MORC4: variants seen among roughly 807,000 people sequenced by gnomAD.
MORC4 encodes the protein MORC family CW-type zinc finger protein 4.
MORC4 carries 22 observed loss-of-function variants against 65.5 expected under a neutral mutation model. The ratio of observed to expected loss-of-function variants is 0.34; its 90% CI spans 0.24 to 0.48. MORC4 has a LOEUF of 0.48. MORC4 is among the 20% of genes least tolerant of loss of function. MORC4 has a pLI of 0.99. For synonymous variants in MORC4, 267 were observed against 255.8 expected (o/e 1.04, Z -0.42); for missense variants, 624 against 703.0 (o/e 0.89, Z 1.27).
Position 106,985,996 on chromosome X carries a change from G to A in MORC4, c.513C>T (p.Phe171=). Residue 171 remains phenylalanine, a synonymous_variant, in exon 4 of 17, where the codon TTC becomes TTT. Transcript: ENST00000355610. The part of the protein sequence containing the change: ...AQAVIVPIVP[F]NQQNKKMIIT... Reference sequence around the variant, plus strand: ...CAGAAAGGATATTGTTTTGCTGGTTGAATGGAACAATTGGTACAATAACTG... The same window carrying A: ...CAGAAAGGATATTGTTTTGCTGGTTAAATGGAACAATTGGTACAATAACTG... 8.3e-7 allele frequency: 1 copy of A among 1,205,899 alleles called. No homozygotes were observed. Among genetic ancestry groups the A allele is most frequent in the Non-Finnish European group, 1.1e-6 (1 of 891,178 alleles).
chrX:106,942,929 C>T lies in MORC4; in HGVS notation c.1962G>A (p.Gln654=), dbSNP rs150263726. The change falls in exon 15 of 17, where the codon CAG becomes CAA. Residue 654 remains glutamine (Q), a synonymous_variant. Transcript: ENST00000355610. ...CTAATTCTTCAGGAAGCAGGGACCC[C>T]TGGCGTTGGTCTTTGGCCCCTGGAT... The part of the protein sequence containing the change: ...ILYPGAKDQR[Q]GSLLPEELED... The T allele has an allele frequency of 6.4e-3, 7,787 of 1,210,216 alleles. 40 individuals carry two copies. The highest frequency in any genetic ancestry group is 6.7e-3 in the Non-Finnish European group (6,041 of 895,237).
rs758864114 is a variant in MORC4 at position 106,941,352 on chromosome X, T to C, written c.*127A>G. 170 of 458,412 alleles carry C rather than the reference T, an allele frequency of 3.7e-4. No homozygotes were observed. The East Asian group carries it at 6.1e-3, about 16-fold the overall frequency. The allele number at this position is 458,412 out of a possible 1,213,427, so 37.8% of individuals were successfully genotyped here. A position where few individuals can be genotyped will look rare whatever the true frequency, so the allele number is the denominator to read the frequency against. Reference sequence around the variant, plus strand: ...AGGATTTACACAGAGATTCTCTATATAAGGCATAAAGGTGAGGGTGAGAGA... The same window carrying C: ...AGGATTTACACAGAGATTCTCTATACAAGGCATAAAGGTGAGGGTGAGAGA... On this transcript the variant is annotated 3_prime_UTR_variant, in exon 17 of 17. Transcript: ENST00000355610.
chrX:106,978,680 A>G (rs1934678697), intron 7 of MORC4, among the ~76,000 whole-genome samples: 1 of 111,034 alleles, frequency 9.0e-6, no homozygotes, highest in South Asian at 3.8e-4. Flanking sequence ...CCTAAATACC[A>G]TCAGTGATTT....
chrX:106,973,277 A>C (rs758575318), intron 9 of MORC4, among the ~76,000 whole-genome samples: 17 of 111,769 alleles, frequency 1.5e-4, no homozygotes, highest in Non-Finnish European at 1.3e-4. Flanking sequence ...TTGTCCCACC[A>C]CTGTACTTTA....
At chrX:106,951,474 G>A (rs750046166) in intron 14 of MORC4, among the ~76,000 whole-genome samples, 2 of 110,387 alleles carry the variant, frequency 1.8e-5, no homozygotes, top group East Asian at 5.7e-4. Context: ...ATGCTCAAGC[G>A]ATCCTCCCAC....
At position 106,981,495 on chromosome X, in the gene MORC4, G is replaced by C; in HGVS notation, c.675-18C>G. ...TTTTATTTCTGGGGAAAAGAGACAA[G>C]TACCAATCTAACAAAAACTGGCTCC... On this transcript the variant is annotated intron_variant, in intron 5 of 16. Coordinates refer to ENST00000355610, the MANE Select transcript of MORC4 (RefSeq NM_024657.5). 8.7e-7 allele frequency: 1 copy of C among 1,152,324 alleles called. No individual in the cohort carries two copies. Among genetic ancestry groups the C allele is most frequent in the Non-Finnish European group, 1.2e-6 (1 of 868,740 alleles). 95.0% of individuals were successfully genotyped at this position (1,152,324 alleles called of 1,213,427 possible).
In MORC4 at chrX:106,943,030, T is replaced by C; in HGVS notation, c.1861A>G (p.Thr621Ala). 1.7e-6 allele frequency: 2 copies of C among 1,211,600 alleles called. No individual in the cohort carries two copies. The highest frequency in any genetic ancestry group is 2.2e-6 in the Non-Finnish European group (2 of 895,410). ...SHDKSSSERS[T>A]PPYLFPEYPE... ...TATTCTGGGAAAAGGTATGGTGGTG[T>C]ACTTCTCTCAGAACTCGATTTATCA... Residue 621 changes from threonine to alanine, a missense_variant, in exon 15 of 17, where the codon ACA becomes GCA. Coordinates refer to ENST00000355610, the MANE Select transcript of MORC4 (RefSeq NM_024657.5).
At chrX:106,945,420 G>GTGTGTGTA (rs1933802920) in intron 14 of MORC4, among the ~76,000 whole-genome samples, 2 of 95,678 alleles carry the variant, frequency 2.1e-5, no homozygotes, top group Non-Finnish European at 2.0e-5. Flanking sequence ...TACTTTGTGT[G>GTGTGTGTA]TGTGTGTGTG....
At chrX:106,947,955 G>A (rs1177741984) in intron 14 of MORC4, among the ~76,000 whole-genome samples, 1 of 109,688 alleles carries the variant, frequency 9.1e-6, no homozygotes, top group Non-Finnish European at 1.9e-5. Context: ...TCTGTCTTTT[G>A]ATTGGATTGC....
intron 7 of MORC4, among the ~76,000 whole-genome samples, chrX:106,978,897 T>A (rs886950929): frequency 1.5e-4 from 17 of 111,508 alleles, no homozygotes; most frequent in African/African-American, 3.2e-4. Flanking sequence ...TGTAGTGATA[T>A]ATTTCATGGG....
intron 2 of MORC4, 27 bp downstream of exon 2, chrX:106,999,650 A>G: frequency 8.9e-6 from 10 of 1,117,734 alleles, no homozygotes; most frequent in Non-Finnish European, 1.2e-5. Context: ...TCGGGCGAAC[A>G]CGGCCGGGCC....
chrX:106,977,065 G>A (rs1934639963), intron 8 of MORC4, among the ~76,000 whole-genome samples: 1 of 111,581 alleles, frequency 9.0e-6, no homozygotes, highest in African/African-American at 3.2e-5. Context: ...ACTGTTCTAA[G>A]GAACTGAAAC....
chrX:106,993,764 G>C (rs1935025980), intron 2 of MORC4, among the ~76,000 whole-genome samples: 1 of 112,286 alleles, frequency 8.9e-6, no homozygotes, highest in African/African-American at 3.2e-5. Context: ...AAAGCTGAAG[G>C]AGCAACTTTG....
intron 9 of MORC4, among the ~76,000 whole-genome samples, chrX:106,965,324 G>A (rs954699466): frequency 1.8e-5 from 2 of 111,550 alleles, no homozygotes; most frequent in African/African-American, 6.5e-5. Flanking sequence ...AAACAAAATA[G>A]CTATAGAATA....
chrX:106,971,913 T>C (rs984717378), intron 9 of MORC4, among the ~76,000 whole-genome samples: 8 of 111,975 alleles, frequency 7.1e-5, no homozygotes, highest in Non-Finnish European at 1.5e-4. Flanking sequence ...AGTGTGGCGA[T>C]TCCTCAAGAA....
intron 2 of MORC4, among the ~76,000 whole-genome samples, 171 bp downstream of exon 2, chrX:106,999,506 T>C (rs894018264): frequency 1.1e-4 from 12 of 112,058 alleles, no homozygotes; most frequent in Non-Finnish European, 1.9e-4. Context: ...ACCTAGTTCC[T>C]GGCGAGAGAG....
intron 9 of MORC4, among the ~76,000 whole-genome samples, chrX:106,963,030 C>A (rs1360243947): frequency 1.8e-5 from 2 of 111,340 alleles, no homozygotes; most frequent in African/African-American, 6.5e-5. Flanking sequence ...TAGATTCTCA[C>A]TAAATGGAAA....
chrX:106,966,266 TCAGAG>T (rs1444362634), intron 9 of MORC4, among the ~76,000 whole-genome samples: 4 of 112,041 alleles, frequency 3.6e-5, no homozygotes, highest in African/African-American at 1.3e-4. Context: ...AATCAAAAGG[TCAGAG>T]CATTCAGTCA....
chrX:106,960,551 A>G (rs1418606317), intron 10 of MORC4, among the ~76,000 whole-genome samples: 1 of 112,054 alleles, frequency 8.9e-6, no homozygotes, highest in Non-Finnish European at 1.9e-5. Context: ...TCTGTAAAGA[A>G]GTAATAATAA....
Sources: allele counts gnomAD v4.1 joint callset (sites outside exome capture counted in the v4.1 genomes callset), GRCh38; gene constraint gnomAD v4.1.1; transcripts MANE v1.5; gene names NCBI Gene and HGNC (gene_info 2026-07-23, HGNC 2026-07-21).